The following ROBO1 variants were observed in gnomAD, a reference collection of about 807,000 sequenced individuals.
The protein encoded by ROBO1 is roundabout guidance receptor 1.
ROBO1 carries 149 observed loss-of-function variants against 195.9 expected under a neutral mutation model. The ratio of observed to expected loss-of-function variants is 0.76; its 90% CI spans 0.67 to 0.87. The LOEUF is 0.87. ROBO1 is among the 40% of genes least tolerant of loss of function. ROBO1 has a pLI of 0.00. For synonymous variants in ROBO1, 816 were observed against 733.2 expected, an observed-to-expected ratio of 1.11 and a Z score of -1.82; for missense variants, 1,933 against 2,068.3, an observed-to-expected ratio of 0.93 and a Z score of 1.27.
At chr3:79,332,711 C>T (rs953158149) in intron 2 of ROBO1, among the ~76,000 whole-genome samples, 6 of 152,170 alleles carry the variant, frequency 3.9e-5, no homozygotes, top group African/African-American at 1.2e-4. Context: ...GCCATATTTA[C>T]TGCATCACTC....
chr3:79,741,799 A>G (rs756295359), intron 1 of ROBO1, among the ~76,000 whole-genome samples: 1 of 152,204 alleles, frequency 6.6e-6, no homozygotes, highest in Non-Finnish European at 1.5e-5. Flanking sequence ...TGTGGACAAT[A>G]AAGTCCAGGC....
intron 2 of ROBO1, among the ~76,000 whole-genome samples, chr3:79,252,392 A>T (rs1298041542): frequency 1.3e-5 from 2 of 152,116 alleles, no homozygotes; most frequent in Non-Finnish European, 2.9e-5. Flanking sequence ...GTAGAAGTTC[A>T]TTTGAAGATC....
intron 1 of ROBO1, among the ~76,000 whole-genome samples, chr3:79,758,988 A>G (rs1346073908): frequency 6.6e-6 from 1 of 152,250 alleles, no homozygotes; most frequent in Non-Finnish European, 1.5e-5. Flanking sequence ...TATTTGGTAT[A>G]GAGATTAATT....
At position 78,999,209 on chromosome 3, in the gene ROBO1, C is replaced by A. The variant is rs147760299; in HGVS notation, c.173-60282G>T. Among the ~76,000 whole-genome samples the A allele has an allele frequency of 8.9e-4, 136 of 152,126 alleles. 2 individuals carry two copies. In the East Asian group the frequency reaches 0.024, roughly 26 times the overall value. On this transcript the variant is annotated intron_variant, in intron 3 of 30. Coordinates refer to ENST00000464233, the MANE Select transcript of ROBO1 (RefSeq NM_002941.4). Reference sequence around the variant, plus strand: ...GAACTACTATTCAAGCCCCAAATCCCATTAACCAAAATAAAACAAATCGAC... The same window carrying A: ...GAACTACTATTCAAGCCCCAAATCCAATTAACCAAAATAAAACAAATCGAC...
intron 2 of ROBO1, among the ~76,000 whole-genome samples, chr3:79,540,568 C>G (rs552641917): frequency 6.6e-6 from 1 of 152,220 alleles, no homozygotes; most frequent in East Asian, 1.9e-4. Flanking sequence ...TACTCTGTTT[C>G]ATAAACAACA....
At chr3:79,001,142 G>C (rs2077494678) in intron 3 of ROBO1, among the ~76,000 whole-genome samples, 1 of 151,982 alleles carries the variant, frequency 6.6e-6, no homozygotes. Flanking sequence ...GAAAGGGGAG[G>C]GAGAGCATTA....
rs191254445 is a variant in ROBO1 at position 79,320,601 on chromosome 3, C to T, written c.89-195062G>A. ...CACCTGGGCTTCCCAAAGATCTGGG[C>T]GTCACATCTTTAATACCATCACATT... On this transcript the variant is annotated intron_variant, in intron 2 of 30. Coordinates refer to ENST00000464233, the MANE Select transcript of ROBO1 (RefSeq NM_002941.4). Among the ~76,000 whole-genome samples, 90 of 152,192 alleles carry T rather than the reference C, an allele frequency of 5.9e-4. 3 individuals carry two copies. In the East Asian group the frequency reaches 8.7e-3, roughly 15 times the overall value.
At chr3:79,732,598 C>T (rs1040463655) in intron 1 of ROBO1, among the ~76,000 whole-genome samples, 1 of 152,088 alleles carries the variant, frequency 6.6e-6, no homozygotes, top group African/African-American at 2.4e-5. Flanking sequence ...TCTGTGCTCC[C>T]TTGCCGCTCT....
At chr3:78,843,727 A>T (rs2106776019) in intron 4 of ROBO1, among the ~76,000 whole-genome samples, 1 of 152,280 alleles carries the variant, frequency 6.6e-6, no homozygotes, top group African/African-American at 2.4e-5. Context: ...GAACTGTAGC[A>T]AAAATAATCC....
intron 2 of ROBO1, among the ~76,000 whole-genome samples, chr3:79,155,082 G>T (rs374956054): frequency 6.6e-6 from 1 of 151,734 alleles, no homozygotes; most frequent in Admixed American, 6.6e-5. Context: ...TATTGCCAAC[G>T]ATGCATGTGG....
At chr3:79,219,273 A>G (rs2082099692) in intron 2 of ROBO1, among the ~76,000 whole-genome samples, 1 of 151,996 alleles carries the variant, frequency 6.6e-6, no homozygotes, top group African/African-American at 2.4e-5. Context: ...AGTTACATAA[A>G]TATTACACGA....
chr3:79,125,136 TAGTC>T (rs958711307), intron 3 of ROBO1, among the ~76,000 whole-genome samples: 5 of 152,098 alleles, frequency 3.3e-5, no homozygotes, highest in African/African-American at 1.2e-4. Context: ...GATAAAAACT[TAGTC>T]AAATATTAAA....
intron 4 of ROBO1, among the ~76,000 whole-genome samples, chr3:78,819,582 G>A (rs1188276636): frequency 6.6e-6 from 1 of 151,198 alleles, no homozygotes; most frequent in South Asian, 2.1e-4. Flanking sequence ...TTTCATGTCT[G>A]TGTGTCTGAA....
intron 10 of ROBO1, among the ~76,000 whole-genome samples, chr3:78,676,834 T>G (rs998345968): frequency 7.9e-5 from 12 of 152,032 alleles, no homozygotes; most frequent in East Asian, 5.8e-4. Context: ...ACGCCACAAA[T>G]ATACTCCTCG....
At position 79,235,546 on chromosome 3, in the gene ROBO1, T is replaced by C. The variant is rs147581177; in HGVS notation, c.89-110007A>G. ...CTGGGAATAGCTCACATCAAATGAA[T>C]GGTCAATGTTGGATCTTTTACTCTT... is the stretch of plus-strand genomic sequence containing the variant. On this transcript the variant is annotated intron_variant, in intron 2 of 30. Coordinates refer to ENST00000464233, the MANE Select transcript of ROBO1 (RefSeq NM_002941.4). 1.7e-4 allele frequency among the ~76,000 whole-genome samples: 26 copies of C among 152,230 alleles called. No homozygotes were observed. In the East Asian group the frequency reaches 4.8e-3, roughly 28 times the overall value.
intron 5 of ROBO1, among the ~76,000 whole-genome samples, chr3:78,737,867 A>G (rs1342396259): frequency 6.6e-6 from 1 of 152,178 alleles, no homozygotes; most frequent in Non-Finnish European, 1.5e-5. Context: ...ATGAACCCCA[A>G]AAAAATCTAT....
At chr3:79,542,905 T>A (rs1942129003) in intron 2 of ROBO1, among the ~76,000 whole-genome samples, 1 of 152,108 alleles carries the variant, frequency 6.6e-6, no homozygotes, top group African/African-American at 2.4e-5. Flanking sequence ...GCAATTCATT[T>A]TAATTAACAA....
chr3:79,189,337 A>G (rs2081497898), intron 2 of ROBO1, among the ~76,000 whole-genome samples: 1 of 151,808 alleles, frequency 6.6e-6, no homozygotes, highest in Non-Finnish European at 1.5e-5. Flanking sequence ...CCCACACACC[A>G]ATTCTGGATG....
chr3:79,498,582 G>C (rs991868661), intron 2 of ROBO1, among the ~76,000 whole-genome samples: 6 of 152,142 alleles, frequency 3.9e-5, no homozygotes, highest in Non-Finnish European at 2.9e-5. Flanking sequence ...GGCCGGGCAC[G>C]GTGGCTCACG....
Sources: gnomAD v4.1 joint callset for allele counts (sites outside exome capture counted in the v4.1 genomes callset) on GRCh38, gnomAD v4.1.1 for gene constraint, MANE v1.5 for transcripts, NCBI Gene and HGNC (gene_info 2026-07-23, HGNC 2026-07-21) for gene names.